The following ZNG1E variants were observed in gnomAD, a reference collection of about 807,000 sequenced individuals.
The protein encoded by ZNG1E is zinc-regulated GTPase metalloprotein activator 1E.
chr9:65,685,568 T>A, the ZNG1E span, among the ~76,000 whole-genome samples: 1 of 151,656 alleles, frequency 6.6e-6, no homozygotes, highest in African/African-American at 2.4e-5. Context: ...AACTTCTCAT[T>A]AGTTAAAGTT....
chr9:65,669,598 C>A, the ZNG1E span, among the ~76,000 whole-genome samples: 1 of 146,872 alleles, frequency 6.8e-6, no homozygotes, highest in Non-Finnish European at 1.5e-5. Flanking sequence ...CTCAACTTGT[C>A]AGCTTGAGGG....
chr9:65,677,544 G>C, the ZNG1E span, among the ~76,000 whole-genome samples: 6 of 152,276 alleles, frequency 3.9e-5, no homozygotes, highest in Admixed American at 3.3e-4. Context: ...CCCAAATCCT[G>C]CTTCTGTGAT....
chr9:65,680,841 T>A, the ZNG1E span, among the ~76,000 whole-genome samples: 1 of 151,946 alleles, frequency 6.6e-6, no homozygotes, highest in Admixed American at 6.6e-5. Flanking sequence ...CAGGCTGGAG[T>A]GCAGTGGCAC....
chr9:65,673,810 A>ACAGAAAGAGGGATTT, the ZNG1E span, among the ~76,000 whole-genome samples: 1 of 152,296 alleles, frequency 6.6e-6, no homozygotes, highest in Non-Finnish European at 1.5e-5. Context: ...GTCTCAAAAA[A>ACAGAAAGAGGGATTT]CAGAAAGAGG....
chr9:65,680,068 A>C, the ZNG1E span, among the ~76,000 whole-genome samples: 1 of 152,184 alleles, frequency 6.6e-6, no homozygotes, highest in Non-Finnish European at 1.5e-5. Flanking sequence ...TTAACTTCTC[A>C]ACTCAAATAT....
At chr9:65,673,866 G>T in the ZNG1E span, among the ~76,000 whole-genome samples, 3 of 152,302 alleles carry the variant, frequency 2.0e-5, no homozygotes. Flanking sequence ...GAACCCACAA[G>T]AATGTACTTT....
At chr9:65,668,468 T>C in the ZNG1E span, among the ~76,000 whole-genome samples, 1 of 150,576 alleles carries the variant, frequency 6.6e-6, no homozygotes, top group Non-Finnish European at 1.5e-5. Flanking sequence ...TCAGGTATAA[T>C]ACATAATTTA....
At chr9:65,687,990 T>C in the ZNG1E span, among the ~76,000 whole-genome samples, 1 of 151,288 alleles carries the variant, frequency 6.6e-6, no homozygotes, top group Non-Finnish European at 1.5e-5. Context: ...TTAGATCCTC[T>C]ACTTCATGAC....
the ZNG1E span, among the ~76,000 whole-genome samples, chr9:65,667,530 A>C: frequency 6.6e-6 from 1 of 152,286 alleles, no homozygotes; most frequent in Non-Finnish European, 1.5e-5. Flanking sequence ...GTTTATTATT[A>C]AACATACAAG....
the ZNG1E span, among the ~76,000 whole-genome samples, chr9:65,685,043 T>TAA: frequency 4.5e-3 from 484 of 107,732 alleles, 1 homozygote; most frequent in African/African-American, 0.016. Flanking sequence ...CCCCATTTCT[T>TAA]AAAAAAAAAA....
At chr9:65,684,546 G>T in the ZNG1E span, among the ~76,000 whole-genome samples, 1 of 139,486 alleles carries the variant, frequency 7.2e-6, no homozygotes, top group African/African-American at 2.8e-5. Flanking sequence ...ACACACACAC[G>T]CACGCACACA....
the ZNG1E span, among the ~76,000 whole-genome samples, chr9:65,660,849 ATAT>A: frequency 2.8e-5 from 4 of 143,532 alleles, no homozygotes; most frequent in South Asian, 2.2e-4. Flanking sequence ...ATATATATAT[ATAT>A]ATAAAATAAA....
the ZNG1E span, among the ~76,000 whole-genome samples, chr9:65,678,120 G>A: frequency 6.8e-6 from 1 of 146,840 alleles, no homozygotes; most frequent in East Asian, 2.0e-4. Flanking sequence ...TTCATAATAT[G>A]GTTAAAAAGC....
chr9:65,724,804 A>T, the ZNG1E span, among the ~76,000 whole-genome samples: 2 of 101,460 alleles, frequency 2.0e-5, no homozygotes, highest in African/African-American at 4.2e-5. Context: ...TCATTTGACA[A>T]CCTTTTGCTG....
At chr9:65,674,309 T>C in the ZNG1E span, among the ~76,000 whole-genome samples, 2 of 152,264 alleles carry the variant, frequency 1.3e-5, no homozygotes, top group Non-Finnish European at 2.9e-5. Context: ...GCAAAAGGCG[T>C]GATAAATACT....
At chr9:65,667,149 T>C in the ZNG1E span, among the ~76,000 whole-genome samples, 1 of 152,250 alleles carries the variant, frequency 6.6e-6, no homozygotes, top group Non-Finnish European at 1.5e-5. Flanking sequence ...GGGATATGAA[T>C]AGCTAAGCTA....
chr9:65,675,676 C>T, the ZNG1E span: 6 of 573,786 alleles, frequency 1.0e-5, no homozygotes, highest in Admixed American at 1.1e-4. Flanking sequence ...GCCAGTGACA[C>T]CTTCAGACAG....
At chr9:65,722,469 C>CAAAT in the ZNG1E span, among the ~76,000 whole-genome samples, 1 of 81,676 alleles carries the variant, frequency 1.2e-5, no homozygotes, top group Non-Finnish European at 2.3e-5. Context: ...GTAAAGCATG[C>CAAAT]AAATGTGTAA....
chr9:65,659,767 A>C, the ZNG1E span, among the ~76,000 whole-genome samples: 11 of 152,262 alleles, frequency 7.2e-5, no homozygotes, highest in Admixed American at 5.2e-4. Context: ...AACTTCTGGA[A>C]CTGCCCAATG....
Sources: allele counts gnomAD v4.1 joint callset (sites outside exome capture counted in the v4.1 genomes callset), GRCh38; gene constraint gnomAD v4.1.1; transcripts MANE v1.5; gene names NCBI Gene and HGNC (gene_info 2026-07-23, HGNC 2026-07-21).